The following NOS1AP variants were observed in gnomAD, a reference collection of about 807,000 sequenced individuals.
The protein encoded by NOS1AP is nitric oxide synthase 1 adaptor protein.
In NOS1AP, 21 loss-of-function variants were observed where a neutral mutation model predicts 56.2. That is an observed-to-expected ratio of 0.37 (90% CI 0.26 to 0.54). The LOEUF (loss-of-function observed/expected upper bound fraction) is 0.54. NOS1AP is among the 20% of genes least tolerant of loss of function. NOS1AP has a pLI of 0.84. For missense variants in NOS1AP, 522 were observed against 657.8 expected, an observed-to-expected ratio of 0.79 and a Z score of 2.26; for synonymous variants, 270 against 274.6, an observed-to-expected ratio of 0.98 and a Z score of 0.17.
At chr1:162,258,602 G>C (rs1206860134) in intron 2 of NOS1AP, among the ~76,000 whole-genome samples, 1 of 152,092 alleles carries the variant, frequency 6.6e-6, no homozygotes, top group Non-Finnish European at 1.5e-5. Context: ...CTCCCCATGG[G>C]CTGAACCCTT....
intron 2 of NOS1AP, among the ~76,000 whole-genome samples, chr1:162,275,050 G>C (rs1254140548): frequency 6.6e-6 from 1 of 152,038 alleles, no homozygotes; most frequent in Admixed American, 6.5e-5. Context: ...TGGCTTCCAC[G>C]GAGCAAGTTT....
chr1:162,075,778 T>G (rs555022492), intron 1 of NOS1AP, among the ~76,000 whole-genome samples: 32 of 152,030 alleles, frequency 2.1e-4, no homozygotes, highest in African/African-American at 7.7e-4. Flanking sequence ...AGACTACTTT[T>G]TTTTTTGGTG....
intron 2 of NOS1AP, among the ~76,000 whole-genome samples, chr1:162,205,393 G>A (rs1652128762): frequency 6.6e-6 from 1 of 152,182 alleles, no homozygotes; most frequent in South Asian, 2.1e-4. Flanking sequence ...TTGATTGCAA[G>A]ACAAAGCATT....
chr1:162,287,298 G>A, intron 2 of NOS1AP, 46 bp from the exon 3 acceptor site: 1 of 1,365,568 alleles, frequency 7.3e-7, no homozygotes, highest in Non-Finnish European at 1.0e-6. Context: ...TAGATGCACT[G>A]ATCTCATCAG....
intron 2 of NOS1AP, among the ~76,000 whole-genome samples, chr1:162,247,967 A>G (rs891162359): frequency 2.6e-5 from 4 of 152,136 alleles, no homozygotes; most frequent in Non-Finnish European, 4.4e-5. Flanking sequence ...AGGATTTACT[A>G]TGGTTCTGCC....
intron 5 of NOS1AP, among the ~76,000 whole-genome samples, chr1:162,340,466 A>G (rs1372318855): frequency 1.3e-5 from 2 of 152,218 alleles, no homozygotes; most frequent in African/African-American, 2.4e-5. Context: ...TGTTTCTACT[A>G]TGATAAAAAT....
chr1:162,238,223 G>A (rs1048301006), intron 2 of NOS1AP, among the ~76,000 whole-genome samples: 8 of 152,126 alleles, frequency 5.3e-5, no homozygotes, highest in Admixed American at 6.5e-5. Flanking sequence ...GAGAATGGAC[G>A]TATGAATAAG....
At chr1:162,351,852 T>C (rs1657507764) in intron 6 of NOS1AP, among the ~76,000 whole-genome samples, 2 of 152,150 alleles carry the variant, frequency 1.3e-5, no homozygotes, top group Admixed American at 6.5e-5. Context: ...ACTCTTGATA[T>C]CTTTTCAACC....
chr1:162,353,560 A>G (rs1657594231), intron 6 of NOS1AP, among the ~76,000 whole-genome samples: 1 of 152,190 alleles, frequency 6.6e-6, no homozygotes, highest in African/African-American at 2.4e-5. Flanking sequence ...TTACTTTGTC[A>G]GTATTTATGG....
intron 4 of NOS1AP, among the ~76,000 whole-genome samples, chr1:162,331,058 A>G (rs1277374325): frequency 1.3e-5 from 2 of 152,194 alleles, no homozygotes; most frequent in African/African-American, 2.4e-5. Context: ...AGAACCATTC[A>G]GGAGGAGATG....
intron 4 of NOS1AP, among the ~76,000 whole-genome samples, chr1:162,301,988 A>G (rs562195588): frequency 6.0e-4 from 91 of 152,362 alleles, no homozygotes; most frequent in African/African-American, 2.1e-3. Flanking sequence ...TTCATAGATT[A>G]CTAAACTAAA....
At chr1:162,322,585 A>G (rs1431033375) in intron 4 of NOS1AP, among the ~76,000 whole-genome samples, 1 of 152,226 alleles carries the variant, frequency 6.6e-6, no homozygotes, top group Non-Finnish European at 1.5e-5. Context: ...AGATGTGCTT[A>G]TGATGTGTAT....
intron 2 of NOS1AP, among the ~76,000 whole-genome samples, chr1:162,244,187 CAGGGTCTATTTAGGG>C (rs1050624655): frequency 1.3e-5 from 2 of 152,124 alleles, no homozygotes; most frequent in Non-Finnish European, 2.9e-5. Flanking sequence ...ACTGGTGGGG[CAGGGTCTATTTAGGG>C]AGTAACTAGA....
At chr1:162,083,966 AT>A (rs1332527020) in intron 1 of NOS1AP, among the ~76,000 whole-genome samples, 1 of 152,218 alleles carries the variant, frequency 6.6e-6, no homozygotes, top group Non-Finnish European at 1.5e-5. Context: ...AAACAAAATA[AT>A]AGCTAAGTAC....
At chr1:162,317,068 C>G (rs1656252461) in intron 4 of NOS1AP, 1 of 152,152 alleles carries the variant, frequency 6.6e-6, no homozygotes, top group African/African-American at 2.4e-5. Context: ...ATGTGTTCAT[C>G]TTGTTTGTAT....
intron 1 of NOS1AP, among the ~76,000 whole-genome samples, chr1:162,098,767 G>A (rs1692307511): frequency 6.6e-6 from 1 of 152,114 alleles, no homozygotes; most frequent in Admixed American, 6.5e-5. Context: ...TGTGGTGTTT[G>A]GTTTTCTGCT....
intron 2 of NOS1AP, among the ~76,000 whole-genome samples, chr1:162,165,839 T>C (rs1432414011): frequency 6.6e-6 from 1 of 152,232 alleles, no homozygotes; most frequent in African/African-American, 2.4e-5. Flanking sequence ...AGGTTGAGAC[T>C]TGTATATTCT....
At chr1:162,359,935 A>G (rs1027669390) in intron 8 of NOS1AP, among the ~76,000 whole-genome samples, 1 of 152,180 alleles carries the variant, frequency 6.6e-6, no homozygotes, top group Non-Finnish European at 1.5e-5. Context: ...TTCCTGGATA[A>G]AAATCTAAGG....
At chr1:162,116,480 G>A (rs890454160) in intron 1 of NOS1AP, among the ~76,000 whole-genome samples, 3 of 152,094 alleles carry the variant, frequency 2.0e-5, no homozygotes, top group African/African-American at 7.2e-5. Flanking sequence ...TCCATTCAAT[G>A]CTTCCTTTGT....
Sources: allele counts gnomAD v4.1 joint callset (sites outside exome capture counted in the v4.1 genomes callset), GRCh38; gene constraint gnomAD v4.1.1; transcripts MANE v1.5; gene names NCBI Gene and HGNC (gene_info 2026-07-23, HGNC 2026-07-21).